Variants in HECW1 observed in about 807,000 individuals in gnomAD.
The protein encoded by HECW1 is E3 ubiquitin-protein ligase HECW1.
In HECW1, 61 loss-of-function variants were observed where a neutral mutation model predicts 182.3. The ratio of observed to expected loss-of-function variants is 0.33; its 90% confidence interval spans 0.27 to 0.41. The LOEUF (loss-of-function observed/expected upper bound fraction) is 0.41. HECW1 is among the 10% of genes least tolerant of loss of function. HECW1 has a pLI of 1.00. For synonymous variants in HECW1, 859 were observed against 832.6 expected, an observed-to-expected ratio of 1.03 and a Z score of -0.55; for missense variants, 1,739 against 2,108.9, an observed-to-expected ratio of 0.82 and a Z score of 3.44.
At chr7:43,164,378 T>G (rs538089492) in intron 2 of HECW1, among the ~76,000 whole-genome samples, 17 of 152,290 alleles carry the variant, frequency 1.1e-4, no homozygotes, top group Non-Finnish European at 2.2e-4. Context: ...GAAACAGTGT[T>G]TTGCATAAGT....
rs1800950523 is a variant in HECW1, at chr7:43,259,471, A to T, written c.27+15539A>T. On this transcript the variant is annotated intron_variant, in intron 3 of 29. Coordinates refer to ENST00000395891, the MANE Select transcript of HECW1 (RefSeq NM_015052.5). ...GATAATATGATAAATAAATAGAAAA[A>T]ATACTATCAACAGAAGCAGGCCCAC... Among the ~76,000 whole-genome samples, 4 of 152,324 alleles carry T rather than the reference A, an allele frequency of 2.6e-5. No individual in the cohort carries two copies. In the South Asian group the frequency reaches 8.3e-4, roughly 32 times the overall value.
intron 28 of HECW1, 63 bp from the exon 29 acceptor site, chr7:43,554,528 TC>T (rs760709169): frequency 8.8e-5 from 123 of 1,398,164 alleles, no homozygotes; most frequent in Non-Finnish European, 1.2e-4. Context: ...GATCTCTCTC[TC>T]CCTCCTCACC....
intron 3 of HECW1, among the ~76,000 whole-genome samples, chr7:43,271,852 TA>T (rs1802441781): frequency 6.6e-6 from 1 of 152,050 alleles, no homozygotes; most frequent in African/African-American, 2.4e-5. Flanking sequence ...AAAACTATGT[TA>T]AAATTCATAT....
At chr7:43,206,779 A>C (rs936096542) in intron 2 of HECW1, among the ~76,000 whole-genome samples, 2 of 152,200 alleles carry the variant, frequency 1.3e-5, no homozygotes, top group African/African-American at 4.8e-5. Flanking sequence ...TCATCTCTTC[A>C]GATGGTTTCT....
At position 43,445,018 on chromosome 7, in the gene HECW1, G is replaced by A; in HGVS notation, c.1846G>A (p.Asp616Asn). Residue 616 changes from aspartate to asparagine, a missense_variant, in exon 11 of 30, where the codon GAC becomes AAC. Asp to Asn is a conservative substitution (Grantham distance 23, BLOSUM62 1). This residue lies in a region of HECW1 where 971 missense variants were observed against 1,029.1 expected (regional missense o/e 0.94). Coordinates refer to ENST00000395891, the MANE Select transcript of HECW1 (RefSeq NM_015052.5). ...VAADPSALEE[D>N]REEPEGATPG... Reference sequence around the variant, plus strand: ...CGCTGACCCGTCTGCCCTGGAAGAGGACAGAGAAGAGCCCGAGGGGGCTAC... The same window carrying A: ...CGCTGACCCGTCTGCCCTGGAAGAGAACAGAGAAGAGCCCGAGGGGGCTAC... 3 of 1,562,132 alleles carry A rather than the reference G, an allele frequency of 1.9e-6. No homozygotes were observed. The highest frequency in any genetic ancestry group is 2.6e-6 in the Non-Finnish European group (3 of 1,153,340).
intron 3 of HECW1, among the ~76,000 whole-genome samples, chr7:43,273,249 C>T (rs111272355): frequency 0.018 from 2,799 of 152,060 alleles, 35 homozygotes; most frequent in Non-Finnish European, 0.028. Context: ...GACAGGAACA[C>T]GTGTACCCCA....
At chr7:43,138,575 A>G (rs1036609394) in intron 2 of HECW1, among the ~76,000 whole-genome samples, 22 of 152,184 alleles carry the variant, frequency 1.4e-4, no homozygotes, top group African/African-American at 5.1e-4. Flanking sequence ...TTGTCTGCAC[A>G]GTCTATTTAC....
intron 2 of HECW1, among the ~76,000 whole-genome samples, chr7:43,121,402 G>A (rs779570556): frequency 4.6e-5 from 7 of 152,122 alleles, no homozygotes; most frequent in Non-Finnish European, 8.8e-5. Context: ...GGCTGGCATC[G>A]TCGGGCTGTA....
intron 2 of HECW1, among the ~76,000 whole-genome samples, chr7:43,182,667 AT>A (rs528247843): frequency 4.0e-5 from 6 of 151,834 alleles, no homozygotes; most frequent in Admixed American, 3.3e-4. Flanking sequence ...AAATTTTAGG[AT>A]TTTTTTCTAT....
intron 2 of HECW1, among the ~76,000 whole-genome samples, chr7:43,126,067 C>CTTTTTTTTTTTTTTT (rs71008891): frequency 9.6e-6 from 1 of 103,984 alleles, no homozygotes; most frequent in Non-Finnish European, 1.8e-5. Flanking sequence ...TTTGTTCTCA[C>CTTTTTTTTTTTTTTT]TTTTTTTTTT....
chr7:43,496,484 A>G (rs1382235555), intron 19 of HECW1, among the ~76,000 whole-genome samples: 1 of 152,160 alleles, frequency 6.6e-6, no homozygotes, highest in Non-Finnish European at 1.5e-5. Context: ...TAAGAGATGC[A>G]GGAAGCCAGG....
At chr7:43,521,121 T>C (rs530827228) in intron 24 of HECW1, among the ~76,000 whole-genome samples, 2 of 152,328 alleles carry the variant, frequency 1.3e-5, no homozygotes, top group East Asian at 3.9e-4. Flanking sequence ...GTGCCTGATG[T>C]GGTTTGACGG....
chr7:43,356,591 A>AT (rs1321907596), intron 5 of HECW1, among the ~76,000 whole-genome samples: 16 of 152,270 alleles, frequency 1.1e-4, no homozygotes, highest in African/African-American at 4.8e-5. Flanking sequence ...CAGAATACAC[A>AT]TTTTTTCTAT....
chr7:43,440,040 G>A (rs2076834850), intron 9 of HECW1: 1 of 152,534 alleles, frequency 6.6e-6, no homozygotes, highest in African/African-American at 2.4e-5. Context: ...ACAGCCCCTG[G>A]GGGCCACTTC....
At chr7:43,114,416 C>T (rs1784882159) in intron 2 of HECW1, 25 bp downstream of exon 2, 2 of 1,332,970 alleles carry the variant, frequency 1.5e-6, no homozygotes, top group Admixed American at 4.5e-5. Flanking sequence ...ATTGGGGATT[C>T]ATTTAAAAAT....
At chr7:43,350,872 A>C (rs1361966165) in intron 5 of HECW1, among the ~76,000 whole-genome samples, 2 of 152,122 alleles carry the variant, frequency 1.3e-5, no homozygotes, top group Admixed American at 1.3e-4. Context: ...CAGGTAAATC[A>C]GGGATTTCTT....
At chr7:43,208,865 G>A (rs889967344) in intron 2 of HECW1, among the ~76,000 whole-genome samples, 1 of 152,166 alleles carries the variant, frequency 6.6e-6, no homozygotes, top group African/African-American at 2.4e-5. Context: ...CCCTGCAAGA[G>A]CATCAGAAGC....
Position 43,112,698 on chromosome 7 carries a change from G to C in HECW1, c.-506G>C, listed in dbSNP as rs956822783. The C allele has an allele frequency of 2.6e-5, 6 of 230,524 alleles. No individual in the cohort carries two copies. The highest frequency in any genetic ancestry group is 1.3e-4 in the African/African-American group (6 of 45,126). The allele number at this position is 230,524 out of a possible 1,614,324, so 14.3% of individuals were successfully genotyped here. On this transcript the variant is annotated 5_prime_UTR_variant, in exon 1 of 30. Transcript: ENST00000395891. ...AACACCGTGCGACTCTGACCGAACC[G>C]GCCCCCTCCTCGCGCACACACTCGC...
chr7:43,150,354 G>A (rs574031022), intron 2 of HECW1, among the ~76,000 whole-genome samples: 30 of 152,134 alleles, frequency 2.0e-4, no homozygotes, highest in Admixed American at 5.9e-4. Context: ...GAAGGCTACC[G>A]TCACTGAACC....
Sources: allele counts gnomAD v4.1 joint callset (sites outside exome capture counted in the v4.1 genomes callset), GRCh38; gene constraint gnomAD v4.1.1; regional missense constraint gnomAD v4.1.1; transcripts MANE v1.5; gene names NCBI Gene and HGNC (gene_info 2026-07-23, HGNC 2026-07-21).